ATF6: variants seen among roughly 807,000 people sequenced by gnomAD.
ATF6 encodes the protein activating transcription factor 6.
ATF6 carries 53 observed loss-of-function variants against 83.6 expected under a neutral mutation model. The ratio of observed to expected loss-of-function variants is 0.63; its 90% CI spans 0.51 to 0.80. The LOEUF (loss-of-function observed/expected upper bound fraction) is 0.80, where lower values mean the gene tolerates loss of function less well. ATF6 is among the 30% of genes least tolerant of loss of function. The pLI is 0.00. For missense variants in ATF6, 744 were observed against 797.9 expected (o/e 0.93, Z 0.81); for synonymous variants, 288 against 285.8 (o/e 1.01, Z -0.08).
At chr1:161,923,697 A>G (rs552692535) in intron 15 of ATF6, among the ~76,000 whole-genome samples, 35 of 152,326 alleles carry the variant, frequency 2.3e-4, no homozygotes, top group African/African-American at 7.0e-4. Context: ...TTAATTATTT[A>G]GTTTATTAGA....
intron 14 of ATF6, among the ~76,000 whole-genome samples, chr1:161,882,766 G>A (rs1687345780): frequency 6.6e-6 from 1 of 151,480 alleles, no homozygotes; most frequent in South Asian, 2.1e-4. Context: ...ACAAATCTCG[G>A]TTTTAATTTT....
chr1:161,916,530 A>C (rs2101891847), intron 15 of ATF6, among the ~76,000 whole-genome samples: 1 of 152,350 alleles, frequency 6.6e-6, no homozygotes, highest in Non-Finnish European at 1.5e-5. Flanking sequence ...GATACTAAAA[A>C]AAATTTAACA....
chr1:161,777,482 G>T (rs549099440), intron 1 of ATF6, among the ~76,000 whole-genome samples: 6 of 152,284 alleles, frequency 3.9e-5, no homozygotes, highest in African/African-American at 1.4e-4. Context: ...GCATAAAATA[G>T]GTAGAGAGTA....
intron 1 of ATF6, among the ~76,000 whole-genome samples, chr1:161,775,172 A>G (rs548697264): frequency 2.0e-4 from 30 of 152,224 alleles, no homozygotes; most frequent in Non-Finnish European, 3.2e-4. Flanking sequence ...TGTAAATACT[A>G]TGCGATGTTC....
intron 1 of ATF6, among the ~76,000 whole-genome samples, chr1:161,773,140 A>ATTTTTTTTTTTTTTTTTTTTT: frequency 7.7e-6 from 1 of 130,074 alleles, no homozygotes; most frequent in Non-Finnish European, 1.6e-5. Context: ...TACTTTTTGT[A>ATTTTTTTTTTTTTTTTTTTTT]TTTTTTTTTT....
intron 12 of ATF6, among the ~76,000 whole-genome samples, chr1:161,859,579 C>T (rs2101835006): frequency 6.6e-6 from 1 of 152,234 alleles, no homozygotes; most frequent in Non-Finnish European, 1.5e-5. Flanking sequence ...AAGTCTGATA[C>T]CCTGACAAAC....
intron 14 of ATF6, among the ~76,000 whole-genome samples, chr1:161,894,734 C>G (rs148706710): frequency 7.8e-6 from 1 of 128,140 alleles, no homozygotes; most frequent in South Asian, 2.4e-4. Context: ...GTATTTTTAG[C>G]AGAGACGGGG....
At chr1:161,831,202 C>G (rs1262079616) in intron 9 of ATF6, among the ~76,000 whole-genome samples, 1 of 152,230 alleles carries the variant, frequency 6.6e-6, no homozygotes, top group African/African-American at 2.4e-5. Flanking sequence ...AAATGCTCAT[C>G]ATCACTGGCC....
chr1:161,882,606 T>C, intron 14 of ATF6, among the ~76,000 whole-genome samples: 1 of 152,170 alleles, frequency 6.6e-6, no homozygotes. Flanking sequence ...TGTAGTATTG[T>C]GCAGTCTTAT....
At chr1:161,790,992 G>C (rs1325300511) in intron 4 of ATF6, among the ~76,000 whole-genome samples, 1 of 152,004 alleles carries the variant, frequency 6.6e-6, no homozygotes, top group Non-Finnish European at 1.5e-5. Flanking sequence ...TATGGAGAAA[G>C]GATATTGGCA....
rs1371148894 is a variant in ATF6, at chr1:161,958,816, T to C, written c.*162T>C. ...ATAAAAGAAGCTGCTCCATTTTTCA[T>C]CATCTACCCATCTATTTGGAAAGCA... On this transcript the variant is annotated 3_prime_UTR_variant, in exon 16 of 16. Coordinates refer to ENST00000367942, the MANE Select transcript of ATF6 (RefSeq NM_007348.4). 11 of 591,418 alleles carry C rather than the reference T, an allele frequency of 1.9e-5. No individual in the cohort carries two copies. Among genetic ancestry groups the C allele is most frequent in the Non-Finnish European group, 3.1e-5 (11 of 353,648 alleles). 36.6% of individuals were successfully genotyped at this position (591,418 alleles called of 1,614,324 possible).
intron 1 of ATF6, among the ~76,000 whole-genome samples, chr1:161,774,015 A>G (rs1684458707): frequency 6.6e-6 from 1 of 152,140 alleles, no homozygotes; most frequent in Admixed American, 6.5e-5. Flanking sequence ...AATATTACCC[A>G]CACTTTCCTC....
At chr1:161,936,783 C>G (rs1285818283) in intron 15 of ATF6, among the ~76,000 whole-genome samples, 1 of 152,222 alleles carries the variant, frequency 6.6e-6, no homozygotes, top group Non-Finnish European at 1.5e-5. Flanking sequence ...ATGTAACCAA[C>G]TGCCTGTTAA....
At chr1:161,921,925 G>T (rs1448762137) in intron 15 of ATF6, among the ~76,000 whole-genome samples, 1 of 152,124 alleles carries the variant, frequency 6.6e-6, no homozygotes, top group Admixed American at 6.5e-5. Flanking sequence ...TAGGCATGGG[G>T]CAGCAAGAAA....
intron 6 of ATF6, among the ~76,000 whole-genome samples, chr1:161,793,239 C>T (rs1244798318): frequency 1.3e-5 from 2 of 152,026 alleles, no homozygotes; most frequent in African/African-American, 4.8e-5. Flanking sequence ...ATTACATGGT[C>T]ATAGACAATA....
chr1:161,876,773 C>T (rs566024218), intron 14 of ATF6, among the ~76,000 whole-genome samples: 11 of 152,120 alleles, frequency 7.2e-5, no homozygotes, highest in African/African-American at 2.6e-4. Context: ...TTCCGTGAGT[C>T]ATAAAATTCT....
At chr1:161,793,071 T>G (rs1023568891) in intron 6 of ATF6, among the ~76,000 whole-genome samples, 1 of 152,222 alleles carries the variant, frequency 6.6e-6, no homozygotes, top group African/African-American at 2.4e-5. Flanking sequence ...GCACCAGATA[T>G]GACTAGGCGA....
chr1:161,835,056 G>A (rs1686179882), intron 9 of ATF6, among the ~76,000 whole-genome samples: 1 of 152,056 alleles, frequency 6.6e-6, no homozygotes, highest in African/African-American at 2.4e-5. Context: ...AACCTGAATT[G>A]TCTTTAATTT....
At position 161,960,475 on chromosome 1, in the gene ATF6, T is replaced by A. The variant is rs1689074768; in HGVS notation, c.*1821T>A. ...AATTAGGTCTGGCTCCTAAATAATT[T>A]TAAAGAACCATCAGCACTTCTAACT... On this transcript the variant is annotated 3_prime_UTR_variant, in exon 16 of 16. Coordinates refer to ENST00000367942, the MANE Select transcript of ATF6 (RefSeq NM_007348.4). The A allele has an allele frequency of 6.6e-6, 1 of 152,216 alleles. No homozygotes were observed. The highest frequency in any genetic ancestry group is 6.5e-5 in the Admixed American group (1 of 15,280). 9.4% of individuals were successfully genotyped at this position (152,216 alleles called of 1,614,324 possible).
Sources: allele counts gnomAD v4.1 joint callset (sites outside exome capture counted in the v4.1 genomes callset), GRCh38; gene constraint gnomAD v4.1.1; transcripts MANE v1.5; gene names NCBI Gene and HGNC (gene_info 2026-07-23, HGNC 2026-07-21).